TSPAN12: variants seen among roughly 807,000 people sequenced by gnomAD.
TSPAN12 encodes the protein tetraspanin 12, also known as tetraspanin-12.
Under a neutral mutation model 39.2 loss-of-function variants are expected in TSPAN12, and 19 were observed. The ratio of observed to expected loss-of-function variants is 0.49; its 90% CI spans 0.34 to 0.71. TSPAN12 has a LOEUF of 0.71. Ranked by LOEUF, TSPAN12 falls within the 30% of genes least tolerant of loss-of-function variation. The pLI is 0.01. For missense variants in TSPAN12, 314 were observed against 359.9 expected (o/e 0.87, Z 1.03); for synonymous variants, 119 against 124.8 (o/e 0.95, Z 0.31).
intron 4 of TSPAN12, among the ~76,000 whole-genome samples, chr7:120,827,333 T>A (rs1794308640): frequency 6.6e-6 from 1 of 152,234 alleles, no homozygotes; most frequent in South Asian, 2.1e-4. Context: ...AAATATGTAT[T>A]ACAAGTAAAC....
intron 7 of TSPAN12, among the ~76,000 whole-genome samples, chr7:120,802,776 T>C (rs1003493750): frequency 6.6e-6 from 1 of 152,234 alleles, no homozygotes; most frequent in South Asian, 2.1e-4. Context: ...TTGTAGCTTA[T>C]TATGGATATT....
chr7:120,824,056 C>T (rs1445854464), intron 4 of TSPAN12, among the ~76,000 whole-genome samples: 1 of 152,016 alleles, frequency 6.6e-6, no homozygotes, highest in Non-Finnish European at 1.5e-5. Flanking sequence ...GTACAGTCTT[C>T]CTTTCCCTAA....
At chr7:120,824,901 T>C (rs531630038) in intron 4 of TSPAN12, among the ~76,000 whole-genome samples, 1 of 152,304 alleles carries the variant, frequency 6.6e-6, no homozygotes, top group African/African-American at 2.4e-5. Context: ...AAAGATACTT[T>C]CAATTACTAA....
rs149977654 is a variant in TSPAN12 at position 120,824,515 on chromosome 7, G to C, written c.286-8712C>G. ...TTGAACTATTTTCCATGTTCGTTCA[G>C]TTCAATCACAAAATCATAGAACCTA... On this transcript the variant is annotated intron_variant, in intron 4 of 7. Transcript: ENST00000222747. 3.3e-3 allele frequency among the ~76,000 whole-genome samples: 496 copies of C among 152,030 alleles called. 4 individuals are homozygous for C. Among genetic ancestry groups the C allele is most frequent in the African/African-American group, 0.011 (470 of 41,528 alleles).
chr7:120,839,006 T>G, intron 3 of TSPAN12, 94 bp from the exon 4 acceptor site: 2 of 1,327,486 alleles, frequency 1.5e-6, no homozygotes, highest in Non-Finnish European at 2.2e-6. Flanking sequence ...TGTTAATAAT[T>G]CTTTCAATCA....
At chr7:120,791,099 C>A (rs935637089) in intron 7 of TSPAN12, among the ~76,000 whole-genome samples, 1 of 152,050 alleles carries the variant, frequency 6.6e-6, no homozygotes, top group Non-Finnish European at 1.5e-5. Context: ...GAGGCCAAGG[C>A]GGGCAGATCA....
chr7:120,808,567 G>T (rs1793918845), intron 6 of TSPAN12, among the ~76,000 whole-genome samples: 1 of 152,146 alleles, frequency 6.6e-6, no homozygotes, highest in Non-Finnish European at 1.5e-5. Context: ...GCTTGCTAAA[G>T]TTACAGGCCA....
chr7:120,795,592 AAGTGT>A (rs1251134712), intron 7 of TSPAN12, among the ~76,000 whole-genome samples: 1 of 152,216 alleles, frequency 6.6e-6, no homozygotes, highest in African/African-American at 2.4e-5. Context: ...TATGAAGATA[AAGTGT>A]AAATAAAATC....
At chr7:120,853,742 T>C (rs1266849102) in intron 2 of TSPAN12, among the ~76,000 whole-genome samples, 6 of 150,498 alleles carry the variant, frequency 4.0e-5, no homozygotes, top group Admixed American at 3.3e-4. Flanking sequence ...GGCATGGTGG[T>C]GCACACCTGT....
At chr7:120,814,265 T>C (rs1191391606) in intron 5 of TSPAN12, 1 of 456,516 alleles carries the variant, frequency 2.2e-6, no homozygotes, top group African/African-American at 2.0e-5. Context: ...AAAGACAATA[T>C]AATCTTTCTC....
intron 4 of TSPAN12, among the ~76,000 whole-genome samples, chr7:120,831,299 C>T (rs904305534): frequency 3.9e-5 from 6 of 151,932 alleles, no homozygotes; most frequent in African/African-American, 1.4e-4. Context: ...TCTGAGTGTA[C>T]ATCCAAACGA....
intron 4 of TSPAN12, among the ~76,000 whole-genome samples, chr7:120,827,595 C>A (rs1011063715): frequency 1.3e-5 from 2 of 152,112 alleles, no homozygotes; most frequent in Non-Finnish European, 2.9e-5. Flanking sequence ...GAATTAACTA[C>A]AAATTACAGA....
intron 4 of TSPAN12, among the ~76,000 whole-genome samples, chr7:120,823,405 A>G (rs1359066177): frequency 6.6e-6 from 1 of 152,160 alleles, no homozygotes; most frequent in East Asian, 1.9e-4. Flanking sequence ...TAAATACACA[A>G]AACAACAAAA....
chr7:120,793,076 C>T (rs531313663), intron 7 of TSPAN12, among the ~76,000 whole-genome samples: 2 of 152,310 alleles, frequency 1.3e-5, no homozygotes, highest in South Asian at 4.1e-4. Context: ...ATAAGGTAGA[C>T]AGTCATAGCT....
intron 7 of TSPAN12, among the ~76,000 whole-genome samples, chr7:120,791,411 C>T (rs1793520029): frequency 6.6e-6 from 1 of 151,880 alleles, no homozygotes; most frequent in South Asian, 2.1e-4. Flanking sequence ...GTTTACAATA[C>T]AACGTGGTGA....
At chr7:120,800,669 C>A (rs1793748864) in intron 7 of TSPAN12, among the ~76,000 whole-genome samples, 1 of 152,000 alleles carries the variant, frequency 6.6e-6, no homozygotes, top group Admixed American at 6.6e-5. Context: ...AATCTGTCTC[C>A]CCCACTGCAA....
At chr7:120,854,078 A>C (rs1335640408) in intron 2 of TSPAN12, among the ~76,000 whole-genome samples, 2 of 152,206 alleles carry the variant, frequency 1.3e-5, no homozygotes, top group Non-Finnish European at 2.9e-5. Context: ...GCTCCTGCTC[A>C]CTGGTAGTAG....
At chr7:120,804,562 T>G (rs1793833266) in intron 7 of TSPAN12, among the ~76,000 whole-genome samples, 1 of 152,192 alleles carries the variant, frequency 6.6e-6, no homozygotes, top group South Asian at 2.1e-4. Context: ...CCAAACATAA[T>G]GCTTCTCAGC....
chr7:120,847,241 AAAAAAAC>A (rs1257399710), intron 2 of TSPAN12, among the ~76,000 whole-genome samples: 4 of 151,204 alleles, frequency 2.6e-5, no homozygotes, highest in Admixed American at 1.3e-4. Context: ...GACAAAAAAA[AAAAAAAC>A]AAAAAACCAG....
Sources: allele counts gnomAD v4.1 joint callset (sites outside exome capture counted in the v4.1 genomes callset), GRCh38; gene constraint gnomAD v4.1.1; transcripts MANE v1.5; gene names NCBI Gene and HGNC (gene_info 2026-07-23, HGNC 2026-07-21).